Variants in GYS2 observed in about 807,000 individuals in gnomAD.
GYS2 encodes glycogen synthase 2, also known as glycogen [starch] synthase, liver.
GYS2 carries 80 observed loss-of-function variants against 85.6 expected under a neutral mutation model. The ratio of observed to expected loss-of-function variants is 0.93; its 90% CI spans 0.78 to 1.13. The LOEUF is 1.13. Among genes scored for constraint, GYS2 ranks in the 50% most tolerant of loss-of-function variants. GYS2 has a pLI of 0.00. For missense variants in GYS2, 881 were observed against 854.9 expected, an observed-to-expected ratio of 1.03 and a Z score of -0.38; for synonymous variants, 328 against 300.7, an observed-to-expected ratio of 1.09 and a Z score of -0.94.
chr12:21,593,163 T>C (rs1944658089), intron 1 of GYS2, among the ~76,000 whole-genome samples: 2 of 151,508 alleles, frequency 1.3e-5, no homozygotes, highest in Admixed American at 1.3e-4. Context: ...CAATAAACAC[T>C]TAAATTAAAA....
At chr12:21,572,299 A>G (rs1464033024) in intron 4 of GYS2, among the ~76,000 whole-genome samples, 2 of 152,228 alleles carry the variant, frequency 1.3e-5, no homozygotes, top group Non-Finnish European at 2.9e-5. Flanking sequence ...TGATTTTACA[A>G]AAGTTTAATT....
chr12:21,558,953 T>G (rs1315654021), intron 10 of GYS2, 138 bp downstream of exon 10: 2 of 563,202 alleles, frequency 3.6e-6, no homozygotes, highest in African/African-American at 3.8e-5. Flanking sequence ...AAGTAATCAT[T>G]TAAGTGACTA....
At chr12:21,542,117 A>C (rs1226662842) in intron 13 of GYS2, among the ~76,000 whole-genome samples, 2 of 151,840 alleles carry the variant, frequency 1.3e-5, no homozygotes, top group Non-Finnish European at 2.9e-5. Flanking sequence ...GCACGATCTC[A>C]GCTCACTGCC....
chr12:21,542,079 GCT>G (rs1156522437), intron 13 of GYS2, among the ~76,000 whole-genome samples: 1 of 151,768 alleles, frequency 6.6e-6, no homozygotes, highest in Non-Finnish European at 1.5e-5. Flanking sequence ...ACAGCCTGAG[GCT>G]CTGTCACCCA....
intron 4 of GYS2, among the ~76,000 whole-genome samples, chr12:21,570,730 G>A (rs1183411462): frequency 1.3e-5 from 2 of 152,192 alleles, no homozygotes; most frequent in African/African-American, 4.8e-5. Flanking sequence ...ACAGAGGCTG[G>A]TCGGATACAA....
chr12:21,591,724 C>G (rs1944641527), intron 1 of GYS2, among the ~76,000 whole-genome samples: 1 of 152,020 alleles, frequency 6.6e-6, no homozygotes, highest in Non-Finnish European at 1.5e-5. Flanking sequence ...AGTAAGAACT[C>G]TAAAACAGCA....
chr12:21,537,865 T>C (rs780651128), intron 15 of GYS2, among the ~76,000 whole-genome samples: 2 of 152,152 alleles, frequency 1.3e-5, no homozygotes, highest in African/African-American at 2.4e-5. Flanking sequence ...AAAAACATGA[T>C]TGGAGTGCAT....
intron 1 of GYS2, among the ~76,000 whole-genome samples, chr12:21,582,444 C>T (rs1443667002): frequency 6.6e-6 from 1 of 152,118 alleles, no homozygotes; most frequent in Non-Finnish European, 1.5e-5. Context: ...TGCCCTGGAA[C>T]ATTGAACTCC....
intron 1 of GYS2, among the ~76,000 whole-genome samples, chr12:21,589,657 G>A (rs969527441): frequency 2.0e-5 from 3 of 152,110 alleles, no homozygotes; most frequent in African/African-American, 4.8e-5. Context: ...CCAGTGCATC[G>A]AAAGTTAAGT....
At chr12:21,568,339 G>A (rs983515711) in intron 5 of GYS2, among the ~76,000 whole-genome samples, 3 of 152,156 alleles carry the variant, frequency 2.0e-5, no homozygotes, top group African/African-American at 7.2e-5. Flanking sequence ...ATCAGCCGTG[G>A]CCGGGTGACA....
intron 2 of GYS2, among the ~76,000 whole-genome samples, chr12:21,576,778 G>A (rs1253893415): frequency 6.6e-6 from 1 of 152,008 alleles, no homozygotes; most frequent in African/African-American, 2.4e-5. Context: ...GCATATCCAA[G>A]TTTTAACTTC....
intron 12 of GYS2, among the ~76,000 whole-genome samples, chr12:21,542,921 G>C (rs1029336982): frequency 1.3e-5 from 2 of 152,216 alleles, no homozygotes; most frequent in Non-Finnish European, 2.9e-5. Flanking sequence ...GAACTGCCGG[G>C]CTCCACTGCA....
rs1565607596 is a variant in GYS2 at position 21,580,461 on chromosome 12, T to A, written c.184A>T (p.Asn62Tyr). The change falls in exon 2 of 16, where the codon AAC becomes TAC. Residue 62 changes from asparagine to tyrosine, a missense_variant. Transcript: ENST00000261195. ...AAATATGGACCTATCAGAAAATAGT[T>A]CTCTCCCCATTCATCTGCTGTTGTT... ...AKTTADEWGENYFLIGPYFEH... is the reference protein window; with the variant it reads ...AKTTADEWGEYYFLIGPYFEH... 1 of 1,613,546 alleles carries A rather than the reference T, an allele frequency of 6.2e-7. No homozygotes were observed.
intron 11 of GYS2, among the ~76,000 whole-genome samples, chr12:21,556,706 T>A (rs1243937179): frequency 7.0e-6 from 1 of 142,522 alleles, no homozygotes; most frequent in African/African-American, 2.6e-5. Flanking sequence ...TTGTTTTGAT[T>A]TTTAGGAAGC....
At chr12:21,586,767 AT>A (rs1944579329) in intron 1 of GYS2, among the ~76,000 whole-genome samples, 1 of 152,204 alleles carries the variant, frequency 6.6e-6, no homozygotes, top group Non-Finnish European at 1.5e-5. Flanking sequence ...CAGCATGAAG[AT>A]TTCTTAAAGA....
At chr12:21,600,326 C>A (rs1311601387) in intron 1 of GYS2, among the ~76,000 whole-genome samples, 1 of 152,020 alleles carries the variant, frequency 6.6e-6, no homozygotes, top group African/African-American at 2.4e-5. Context: ...CAGGGTCTCC[C>A]TATGTTCCCC....
Position 21,546,490 on chromosome 12 carries a change from AT to A in GYS2, c.1423-21del. On this transcript the variant is annotated intron_variant, in intron 11 of 15. Transcript: ENST00000261195. ...AATCACCTAAAAAAGGAAAATTCTA[AT>A]TTAAAAAAAAAGAAAAAGGAGCAAG... 1.3e-6 allele frequency: 2 copies of A among 1,553,926 alleles called. No individual in the cohort carries two copies. The highest frequency in any genetic ancestry group is 1.8e-6 in the Non-Finnish European group (2 of 1,137,026).
chr12:21,552,457 T>C (rs1301323368), intron 11 of GYS2, among the ~76,000 whole-genome samples: 1 of 152,222 alleles, frequency 6.6e-6, no homozygotes, highest in African/African-American at 2.4e-5. Context: ...CACAGTTCTT[T>C]AAGCAGGTGA....
chr12:21,548,204 C>T (rs1051979493), intron 11 of GYS2, among the ~76,000 whole-genome samples: 2 of 152,068 alleles, frequency 1.3e-5, no homozygotes, highest in Non-Finnish European at 2.9e-5. Flanking sequence ...AGTTTTTGAA[C>T]ATGGAGAAAA....
Sources: gnomAD v4.1 joint callset for allele counts (sites outside exome capture counted in the v4.1 genomes callset) on GRCh38, gnomAD v4.1.1 for gene constraint, MANE v1.5 for transcripts, NCBI Gene and HGNC (gene_info 2026-07-23, HGNC 2026-07-21) for gene names.